The following SAXO1 variants were observed in gnomAD, a reference collection of about 807,000 sequenced individuals.
SAXO1 encodes 4930500O09Rik.
A neutral mutation model predicts 17.5 loss-of-function variants in SAXO1; 21 were observed. The ratio of observed to expected loss-of-function variants is 1.20; its 90% CI spans 0.85 to 1.72. The LOEUF (loss-of-function observed/expected upper bound fraction) is 1.72. Among genes scored for constraint, SAXO1 ranks in the 40% most tolerant of loss-of-function variants. The pLI is 0.00. For synonymous variants in SAXO1, 274 were observed against 216.5 expected (o/e 1.27, Z -2.33); for missense variants, 843 against 596.0 (o/e 1.41, Z -4.32).
intron 1 of SAXO1, among the ~76,000 whole-genome samples, chr9:19,005,977 T>C (rs1834468098): frequency 6.6e-6 from 1 of 152,052 alleles, no homozygotes; most frequent in Non-Finnish European, 1.5e-5. Context: ...TGAGTAGACA[T>C]CTCTCCAAAG....
intron 1 of SAXO1, among the ~76,000 whole-genome samples, chr9:19,013,540 A>T (rs75480575): frequency 8.6e-5 from 8 of 93,196 alleles, no homozygotes; most frequent in South Asian, 4.2e-4. Context: ...AAAAGTACGG[A>T]TTTTTTTTTT....
chr9:18,936,637 C>A (rs1410690176), intron 3 of SAXO1, among the ~76,000 whole-genome samples: 1 of 152,210 alleles, frequency 6.6e-6, no homozygotes, highest in African/African-American at 2.4e-5. Context: ...CCCTGAAAAA[C>A]CTCAGAATTT....
At chr9:18,986,448 C>T (rs186810569) in intron 1 of SAXO1, among the ~76,000 whole-genome samples, 4 of 152,210 alleles carry the variant, frequency 2.6e-5, no homozygotes, top group African/African-American at 9.6e-5. Flanking sequence ...GGTCAAAGAA[C>T]AGAGAGACCA....
At chr9:19,027,610 G>C (rs374657395) in intron 1 of SAXO1, 1 of 1,433,998 alleles carries the variant, frequency 7.0e-7, no homozygotes, top group Admixed American at 1.7e-5. Flanking sequence ...TGGTGCAGAT[G>C]TTCACTGGAG....
intron 1 of SAXO1, among the ~76,000 whole-genome samples, chr9:19,003,184 A>T (rs765396995): frequency 3.3e-5 from 5 of 152,188 alleles, no homozygotes; most frequent in Non-Finnish European, 7.3e-5. Flanking sequence ...TCCAACTTAC[A>T]AGGGATGTAA....
chr9:18,996,073 A>G (rs552726661), intron 1 of SAXO1, among the ~76,000 whole-genome samples: 1 of 95,730 alleles, frequency 1.0e-5, no homozygotes, highest in Non-Finnish European at 2.1e-5. Flanking sequence ...GAGTGAAACT[A>G]CATCTCAAAA....
At chr9:18,973,755 C>A (rs1436716830) in intron 1 of SAXO1, among the ~76,000 whole-genome samples, 2 of 152,208 alleles carry the variant, frequency 1.3e-5, no homozygotes, top group Non-Finnish European at 2.9e-5. Context: ...AAAATCTTCT[C>A]AGATACAGAA....
At chr9:19,031,596 G>A (rs1835776057) in intron 1 of SAXO1, among the ~76,000 whole-genome samples, 2 of 152,160 alleles carry the variant, frequency 1.3e-5, no homozygotes, top group African/African-American at 4.8e-5. Flanking sequence ...TAGAAAAAAA[G>A]GTTTTGCTTG....
rs1407694958 is a variant in SAXO1, at chr9:18,996,821, T to C, written c.38+36050A>G. On this transcript the variant is annotated intron_variant, in intron 1 of 3. Coordinates refer to ENST00000380534, the MANE Select transcript of SAXO1 (RefSeq NM_153707.4). ...CATATATAACTTCTATTCAACATAG[T>C]ATTTAAAGCTCTAGCCAGAGAAATG... Among the ~76,000 whole-genome samples the C allele has an allele frequency of 1.3e-5, 2 of 152,030 alleles. 1 individual carries two copies. Among genetic ancestry groups the C allele is most frequent in the African/African-American group, 4.8e-5 (2 of 41,404 alleles).
chr9:19,000,651 C>T (rs374971211), intron 1 of SAXO1, among the ~76,000 whole-genome samples: 11 of 152,258 alleles, frequency 7.2e-5, no homozygotes, highest in African/African-American at 2.6e-4. Flanking sequence ...TGTGTGTGAT[C>T]CTTCTGCCCT....
chr9:19,041,517 G>C (rs1003252356), intron 1 of SAXO1, among the ~76,000 whole-genome samples: 6 of 152,144 alleles, frequency 3.9e-5, no homozygotes, highest in Admixed American at 3.9e-4. Flanking sequence ...AACAAAATTG[G>C]AGGAATCACA....
At chr9:18,960,122 C>T (rs1887446) in intron 1 of SAXO1, among the ~76,000 whole-genome samples, 82,499 of 152,072 alleles carry the variant, frequency 0.54, 25,812 homozygotes, top group Non-Finnish European at 0.7. Context: ...GCCCCTCCCC[C>T]CTTGGCAATG....
intron 1 of SAXO1, among the ~76,000 whole-genome samples, chr9:18,990,667 G>A (rs1241363139): frequency 6.6e-6 from 1 of 152,202 alleles, no homozygotes; most frequent in Non-Finnish European, 1.5e-5. Context: ...AGGCGAGCAA[G>A]TGAAGCTTCA....
intron 2 of SAXO1, among the ~76,000 whole-genome samples, chr9:18,946,071 G>A (rs1218891223): frequency 1.3e-5 from 2 of 152,112 alleles, no homozygotes; most frequent in Admixed American, 1.3e-4. Context: ...GATGTCAGGA[G>A]TATGAGACCA....
upstream of SAXO1, among the ~76,000 whole-genome samples, chr9:19,034,893 A>G (rs1160784188): frequency 1.3e-5 from 2 of 152,164 alleles, no homozygotes; most frequent in Non-Finnish European, 2.9e-5. Flanking sequence ...TCAGCAGAAG[A>G]ATGCCTGTTC....
At chr9:18,964,864 A>G (rs1304801369) in intron 1 of SAXO1, among the ~76,000 whole-genome samples, 2 of 152,096 alleles carry the variant, frequency 1.3e-5, no homozygotes, top group East Asian at 1.9e-4. Flanking sequence ...TTGATTTTAG[A>G]TCTTTCCTGC....
intron 1 of SAXO1, among the ~76,000 whole-genome samples, chr9:18,965,300 C>G (rs1190548039): frequency 6.6e-6 from 1 of 152,162 alleles, no homozygotes; most frequent in Non-Finnish European, 1.5e-5. Flanking sequence ...AGTTCAAGTC[C>G]TGAATATCCT....
intron 1 of SAXO1, among the ~76,000 whole-genome samples, chr9:19,011,945 A>G (rs1478957358): frequency 6.6e-6 from 1 of 150,396 alleles, no homozygotes; most frequent in Non-Finnish European, 1.5e-5. Flanking sequence ...TCCCAGGTTC[A>G]AGCAATTCTC....
chr9:18,990,653 T>C (rs547627941), intron 1 of SAXO1, among the ~76,000 whole-genome samples: 2 of 152,228 alleles, frequency 1.3e-5, no homozygotes, highest in Non-Finnish European at 2.9e-5. Context: ...AGAAGGTGAG[T>C]GGCAGGCGAG....
Sources: gnomAD v4.1 joint callset for allele counts (sites outside exome capture counted in the v4.1 genomes callset) on GRCh38, gnomAD v4.1.1 for gene constraint, MANE v1.5 for transcripts, NCBI Gene and HGNC (gene_info 2026-07-23, HGNC 2026-07-21) for gene names.